RHBDD1: variants seen among roughly 807,000 people sequenced by gnomAD.
RHBDD1 encodes rhomboid domain containing 1, also known as rhomboid-related protein 4.
Under a neutral mutation model 36.3 loss-of-function variants are expected in RHBDD1, and 38 were observed. The ratio of observed to expected loss-of-function variants is 1.05; its 90% CI spans 0.81 to 1.37. The LOEUF (loss-of-function observed/expected upper bound fraction) is 1.37. Ranked by LOEUF, RHBDD1 falls within the 40% of genes most tolerant of loss-of-function variation. The probability of loss-of-function intolerance (pLI) is 0.00; values close to 1 mark genes in which losing one functional copy is unlikely to be tolerated. For missense variants in RHBDD1, 393 were observed against 377.6 expected (o/e 1.04, Z -0.34); for synonymous variants, 151 against 136.5 (o/e 1.11, Z -0.74).
chr2:226,885,662 G>T (rs1946141415), intron 5 of RHBDD1, among the ~76,000 whole-genome samples: 1 of 152,168 alleles, frequency 6.6e-6, no homozygotes, highest in African/African-American at 2.4e-5. Flanking sequence ...ACTCAAGGTT[G>T]TGGAATTATT....
chr2:226,884,762 G>C (rs985342718), intron 5 of RHBDD1, among the ~76,000 whole-genome samples: 4 of 152,114 alleles, frequency 2.6e-5, no homozygotes, highest in African/African-American at 9.7e-5. Context: ...TTAGAGCTTT[G>C]CCTCACTAGA....
At chr2:226,830,895 T>C (rs2124863570), upstream of RHBDD1, among the ~76,000 whole-genome samples, 1 of 152,304 alleles carries the variant, frequency 6.6e-6, no homozygotes, top group Non-Finnish European at 1.5e-5. Context: ...GTCTCAAATT[T>C]CTGGGCTCAA....
chr2:226,867,061 T>C, intron 4 of RHBDD1, 125 bp from the exon 5 acceptor site: 1 of 922,846 alleles, frequency 1.1e-6, no homozygotes, highest in South Asian at 1.7e-5. Context: ...GAATAGGGTA[T>C]GTTTTAAAGC....
At chr2:226,885,046 A>G (rs867468962) in intron 5 of RHBDD1, among the ~76,000 whole-genome samples, 4 of 152,176 alleles carry the variant, frequency 2.6e-5, no homozygotes, top group African/African-American at 9.6e-5. Flanking sequence ...TTATAGAAAA[A>G]AATCTATCAG....
rs746277719 is a variant in RHBDD1, at chr2:226,865,142, T to C, written c.433+16T>C. The C allele has an allele frequency of 1.2e-5, 19 of 1,583,584 alleles. No individual in the cohort carries two copies. Among genetic ancestry groups the C allele is most frequent in the Non-Finnish European group, 1.6e-5 (19 of 1,165,184 alleles). ...GGTTTCTCAGGTAAGGGAGACAAAA[T>C]TTTGAGGTTGCATGCATAAAGGAAG... On this transcript the variant is annotated intron_variant, in intron 4 of 8. Coordinates refer to ENST00000392062, the MANE Select transcript of RHBDD1 (RefSeq NM_001167608.3).
the RHBDD1 span, among the ~76,000 whole-genome samples, chr2:226,826,493 C>T: frequency 6.6e-6 from 1 of 150,848 alleles, no homozygotes; most frequent in Non-Finnish European, 1.5e-5. Context: ...CAGGATTCTC[C>T]TGGCTGTAGA....
intron 3 of RHBDD1, among the ~76,000 whole-genome samples, chr2:226,848,761 C>T (rs1376065806): frequency 6.6e-6 from 1 of 152,102 alleles, no homozygotes; most frequent in Non-Finnish European, 1.5e-5. Context: ...GCAGACAAAC[C>T]AGACCAGAAT....
intron 8 of RHBDD1, chr2:226,935,157 A>G (rs1380411922): frequency 6.6e-6 from 1 of 152,166 alleles, no homozygotes; most frequent in Non-Finnish European, 1.5e-5. Flanking sequence ...AATATACTAC[A>G]AAAGTCTTGG....
In RHBDD1 at chr2:226,996,882, T is replaced by C. The variant is rs1385069534; in HGVS notation, c.*1360T>C. 1.3e-5 allele frequency: 2 copies of C among 152,118 alleles called. No homozygotes were observed. The highest frequency in any genetic ancestry group is 4.8e-5 in the African/African-American group (2 of 41,422). The allele number at this position is 152,118 out of a possible 1,614,324, so 9.4% of individuals were successfully genotyped here. A position where few individuals can be genotyped will look rare whatever the true frequency, so the allele number is the denominator to read the frequency against. ...AAATACTATGTGTCCATTGAGAAAATTCACAATATAAACAGAAATACAAAT... is the reference window on the plus strand; with the variant it reads ...AAATACTATGTGTCCATTGAGAAAACTCACAATATAAACAGAAATACAAAT... On this transcript the variant is annotated 3_prime_UTR_variant, in exon 9 of 9. Transcript: ENST00000392062.
chr2:226,960,005 A>G (rs1020945199), intron 8 of RHBDD1, among the ~76,000 whole-genome samples: 1 of 152,008 alleles, frequency 6.6e-6, no homozygotes, highest in Non-Finnish European at 1.5e-5. Flanking sequence ...GTACTTTTAA[A>G]GTAGACATGG....
chr2:226,814,183 A>G, the RHBDD1 span, among the ~76,000 whole-genome samples: 1 of 152,198 alleles, frequency 6.6e-6, no homozygotes, highest in East Asian at 1.9e-4. Context: ...TAAAGTGAAC[A>G]TGATATCTTG....
At chr2:226,887,292 T>G (rs1038565901) in intron 5 of RHBDD1, among the ~76,000 whole-genome samples, 2 of 152,242 alleles carry the variant, frequency 1.3e-5, no homozygotes, top group African/African-American at 4.8e-5. Context: ...AAAATGTCTT[T>G]GAGTTTCTCT....
chr2:226,886,580 AT>A (rs1186190121), intron 5 of RHBDD1, among the ~76,000 whole-genome samples: 1 of 152,224 alleles, frequency 6.6e-6, no homozygotes, highest in Non-Finnish European at 1.5e-5. Context: ...AGATGACAAG[AT>A]TAGGCTACAA....
At chr2:226,942,582 T>A in intron 8 of RHBDD1, 3 of 350,684 alleles carry the variant, frequency 8.6e-6, no homozygotes, top group Non-Finnish European at 1.7e-5. Flanking sequence ...CTCAGAGGTA[T>A]GTGTGGCCAC....
In RHBDD1 at chr2:226,865,050, C is replaced by T. The variant is rs145596814; in HGVS notation, c.357C>T (p.Tyr119=). The part of the protein sequence containing the change: ...TAFSVLTGVV[Y]LLLQFAVAEF... ...TTTCTGTACTTACTGGAGTGGTATA[C>T]CTGCTCTTGCAATTTGCTGTTGCCG... The change falls in exon 4 of 9, where the codon TAC becomes TAT. Residue 119 remains tyrosine, a synonymous_variant. Coordinates refer to ENST00000392062, the MANE Select transcript of RHBDD1 (RefSeq NM_001167608.3). The T allele has an allele frequency of 1.2e-4, 195 of 1,614,022 alleles. No homozygotes were observed. The highest frequency in any genetic ancestry group is 1.5e-4 in the Non-Finnish European group (178 of 1,180,020).
At chr2:226,923,883 G>T (rs1198857799) in intron 8 of RHBDD1, among the ~76,000 whole-genome samples, 1 of 151,990 alleles carries the variant, frequency 6.6e-6, no homozygotes, top group Non-Finnish European at 1.5e-5. Flanking sequence ...TGTTTAATGG[G>T]AATCTCTCCC....
At chr2:226,973,505 G>C (rs1953971344) in intron 8 of RHBDD1, among the ~76,000 whole-genome samples, 1 of 152,166 alleles carries the variant, frequency 6.6e-6, no homozygotes, top group African/African-American at 2.4e-5. Flanking sequence ...GGTGTTTACT[G>C]ATCAAGAGCA....
intron 8 of RHBDD1, among the ~76,000 whole-genome samples, chr2:226,945,145 G>GATTATTATT (rs60027437): frequency 0.28 from 40,996 of 144,634 alleles, 6,029 homozygotes; most frequent in South Asian, 0.39. Flanking sequence ...GATCAAATCT[G>GATTATTATT]ATTATTATTA....
At chr2:226,898,342 G>A (rs1947303837) in intron 5 of RHBDD1, among the ~76,000 whole-genome samples, 2 of 152,196 alleles carry the variant, frequency 1.3e-5, no homozygotes, top group African/African-American at 4.8e-5. Context: ...TTCTGCTATT[G>A]CAATACCCTT....
Sources: gnomAD v4.1 joint callset for allele counts (sites outside exome capture counted in the v4.1 genomes callset) on GRCh38, gnomAD v4.1.1 for gene constraint, MANE v1.5 for transcripts, NCBI Gene and HGNC (gene_info 2026-07-23, HGNC 2026-07-21) for gene names.